The following BPIFB1 variants were observed in gnomAD, a reference collection of about 807,000 sequenced individuals.
BPIFB1 encodes BPI fold containing family B member 1, also known as BPI fold-containing family B member 1.
Under a neutral mutation model 55.1 loss-of-function variants are expected in BPIFB1, and 34 were observed. The ratio of observed to expected loss-of-function variants is 0.62; its 90% CI spans 0.47 to 0.82. The LOEUF (loss-of-function observed/expected upper bound fraction) is 0.82, where lower values mean the gene tolerates loss of function less well. BPIFB1 is among the 40% of genes least tolerant of loss of function. The pLI is 0.00. For missense variants in BPIFB1, 532 were observed against 593.1 expected (o/e 0.90, Z 1.07); for synonymous variants, 236 against 245.3 (o/e 0.96, Z 0.35).
At chr20:33,295,996 G>A (rs1285073285) in intron 6 of BPIFB1, among the ~76,000 whole-genome samples, 1 of 142,546 alleles carries the variant, frequency 7.0e-6, no homozygotes, top group East Asian at 2.4e-4. Flanking sequence ...AGGGAGGGAG[G>A]GAGGGAAAAT....
At chr20:33,295,145 G>T (rs1430565627) in intron 6 of BPIFB1, among the ~76,000 whole-genome samples, 3 of 152,064 alleles carry the variant, frequency 2.0e-5, no homozygotes, top group African/African-American at 7.2e-5. Context: ...AACCCAAGAG[G>T]CGGAGGTTGC....
At chr20:33,302,269 C>T in intron 9 of BPIFB1, 90 bp from the exon 10 acceptor site, 1 of 1,393,156 alleles carries the variant, frequency 7.2e-7, no homozygotes, top group Admixed American at 1.7e-5. Flanking sequence ...TTTCTGGGGT[C>T]CTGGGAAACC....
intron 8 of BPIFB1, 29 bp from the exon 9 acceptor site, chr20:33,301,203 CT>C (rs774082974): frequency 5.0e-6 from 8 of 1,598,656 alleles, no homozygotes; most frequent in Admixed American, 3.4e-5. Context: ...AGTTAAAATT[CT>C]TAGCTGACTC....
chr20:33,303,110 G>A (rs769720680), intron 11 of BPIFB1, 36 bp downstream of exon 11: 2 of 1,609,632 alleles, frequency 1.2e-6, no homozygotes, highest in Non-Finnish European at 1.7e-6. Context: ...GCAGCAACCA[G>A]GGGGACCCTT....
chr20:33,291,870 C>T (rs1980483244), intron 5 of BPIFB1, 37 bp from the exon 6 acceptor site: 1 of 1,575,594 alleles, frequency 6.3e-7, no homozygotes, highest in South Asian at 1.1e-5. Context: ...TCATCTCTGA[C>T]CCTTCCTAAT....
At chr20:33,291,745 A>C (rs1182832478) in intron 5 of BPIFB1, among the ~76,000 whole-genome samples, 162 bp from the exon 6 acceptor site, 1 of 152,172 alleles carries the variant, frequency 6.6e-6, no homozygotes, top group East Asian at 1.9e-4. Context: ...GCCACTGCCT[A>C]CACCTGGCTC....
intron 9 of BPIFB1, 85 bp from the exon 10 acceptor site, chr20:33,302,274 G>A: frequency 6.9e-7 from 1 of 1,451,564 alleles, no homozygotes; most frequent in East Asian, 2.3e-5. Flanking sequence ...GGGGTCCTGG[G>A]AAACCTTCCT....
rs1434592303 is a variant in BPIFB1 at position 33,302,947 on chromosome 20, TGA to T, written c.1014_1015del (p.Lys339AspfsTer31). 6.2e-7 allele frequency: 1 copy of T among 1,613,988 alleles called. No homozygotes were observed. Among genetic ancestry groups the T allele is most frequent in the Non-Finnish European group, 8.5e-7 (1 of 1,180,008 alleles). On this transcript the variant is annotated frameshift_variant, in exon 11 of 16. Coordinates refer to ENST00000253354, the MANE Select transcript of BPIFB1 (RefSeq NM_033197.3). LOFTEE classifies it high-confidence loss of function. ...GATAAGCTGGGATCTACCCAGATCG[TGA>T]AGATCCTAACTCAGGACACTCCCGA... is the stretch of plus-strand genomic sequence containing the variant.
In BPIFB1 at chr20:33,302,414, T is replaced by G; in HGVS notation, c.981+2T>G. Reference sequence around the variant, plus strand: ...AGCATCGGGCTGATCAATGAAAAGGTTGGTCTGTTTGCCATCTGCAGCTTG... The same window carrying G: ...AGCATCGGGCTGATCAATGAAAAGGGTGGTCTGTTTGCCATCTGCAGCTTG... On this transcript the variant is annotated splice_donor_variant, in intron 10 of 15. Coordinates refer to ENST00000253354, the MANE Select transcript of BPIFB1 (RefSeq NM_033197.3). LOFTEE classifies it high-confidence loss of function. 1 of 1,613,792 alleles carries G rather than the reference T, an allele frequency of 6.2e-7. No individual in the cohort carries two copies. The highest frequency in any genetic ancestry group is 8.5e-7 in the Non-Finnish European group (1 of 1,179,948).
At chr20:33,294,974 G>C (rs1394316298) in intron 6 of BPIFB1, among the ~76,000 whole-genome samples, 1 of 152,194 alleles carries the variant, frequency 6.6e-6, no homozygotes, top group African/African-American at 2.4e-5. Context: ...CAGCACTTCG[G>C]GAGGCCAAGG....
At chr20:33,283,718 T>C (rs190389118) in intron 1 of BPIFB1, among the ~76,000 whole-genome samples, 96 of 151,930 alleles carry the variant, frequency 6.3e-4, no homozygotes, top group African/African-American at 2.1e-3. Flanking sequence ...TAGAAGGCGA[T>C]TGGGCAAAGG....
intron 2 of BPIFB1, among the ~76,000 whole-genome samples, chr20:33,287,521 T>G (rs1980307911): frequency 6.6e-6 from 1 of 152,116 alleles, no homozygotes. Flanking sequence ...AACCTAGGGA[T>G]GGAGGGGGTA....
rs1203867458 is a variant in BPIFB1 at position 33,289,769 on chromosome 20, G to C, written c.258-116G>C. On this transcript the variant is annotated intron_variant, in intron 3 of 15. Coordinates refer to ENST00000253354, the MANE Select transcript of BPIFB1 (RefSeq NM_033197.3). ...CATCTGGAGAGGAGTCGGTGGGCAG[G>C]GCCAGGGTCCCGCTGCTGCCTAGGC... 3 of 877,128 alleles carry C rather than the reference G, an allele frequency of 3.4e-6. No individual in the cohort carries two copies. The African/African-American group carries it at 4.9e-5, about 14-fold the overall frequency. The allele number at this position is 877,128 out of a possible 1,614,324, so 54.3% of individuals were successfully genotyped here.
intron 4 of BPIFB1, among the ~76,000 whole-genome samples, chr20:33,290,510 G>A (rs1319145407): frequency 2.6e-5 from 4 of 152,218 alleles, no homozygotes; most frequent in African/African-American, 9.6e-5. Flanking sequence ...GAGGTAGGTG[G>A]GGACACCAGG....
Position 33,304,855 on chromosome 20 carries a change from G to C in BPIFB1, c.1218G>C (p.Arg406=). The C allele has an allele frequency of 6.2e-7, 1 of 1,614,180 alleles. No individual in the cohort carries two copies. Among genetic ancestry groups the C allele is most frequent in the Non-Finnish European group, 8.5e-7 (1 of 1,180,028 alleles). Residue 406 remains arginine (R), a synonymous_variant, in exon 13 of 16, where the codon CGG becomes CGC. Transcript: ENST00000253354. ...ILNLNNISSD[R]IQLMNSGIGW... ...GCATCTTCCATTGCAGCTCTGATCG[G>C]ATCCAGCTGATGAACTCTGGGATTG...
At chr20:33,306,674 G>A (rs556821669) in intron 14 of BPIFB1, 1 of 554,366 alleles carries the variant, frequency 1.8e-6, no homozygotes, top group Middle Eastern at 4.9e-4. Context: ...TTGAGCAAGA[G>A]CGTAAGAGAA....
intron 4 of BPIFB1, 94 bp downstream of exon 4, chr20:33,290,086 G>A: frequency 1.0e-6 from 1 of 991,534 alleles, no homozygotes; most frequent in South Asian, 1.4e-5. Context: ...CTGGAAAAGA[G>A]AGTTCCGAGC....
intron 6 of BPIFB1, among the ~76,000 whole-genome samples, chr20:33,295,183 C>G (rs1403753551): frequency 6.6e-6 from 1 of 151,258 alleles, no homozygotes; most frequent in Non-Finnish European, 1.5e-5. Flanking sequence ...CCACTGCACT[C>G]CAGCCTGGGC....
intron 2 of BPIFB1, 25 bp from the exon 3 acceptor site, chr20:33,288,716 C>T (rs773504875): frequency 6.2e-7 from 1 of 1,610,390 alleles, no homozygotes; most frequent in Non-Finnish European, 8.5e-7. Context: ...CCTCCTGGGC[C>T]CTAATCCCTG....
Sources: allele counts gnomAD v4.1 joint callset (sites outside exome capture counted in the v4.1 genomes callset), GRCh38; gene constraint gnomAD v4.1.1; transcripts MANE v1.5; gene names NCBI Gene and HGNC (gene_info 2026-07-23, HGNC 2026-07-21).